The following EPB41 variants were observed in gnomAD, a reference collection of about 807,000 sequenced individuals.
EPB41 encodes the protein erythrocyte membrane protein band 4.1.
EPB41 carries 65 observed loss-of-function variants against 108.0 expected under a neutral mutation model. The observed-to-expected ratio is 0.60, with a 90% CI of 0.49 to 0.74. The LOEUF is 0.74. Among genes scored for constraint, EPB41 ranks in the 30% least tolerant of loss-of-function variants. EPB41 has a pLI of 0.00. For synonymous variants in EPB41, 336 were observed against 358.9 expected (o/e 0.94, Z 0.72); for missense variants, 875 against 1,037.0 (o/e 0.84, Z 2.15).
In EPB41 at chr1:28,915,055, A is replaced by ACGAGGAAAAAT. The variant is rs2307562; in HGVS notation, c.-8+289_-8+290insAGGAAAAATCG. 1.0e-3 allele frequency among the ~76,000 whole-genome samples: 156 copies of ACGAGGAAAAAT among 151,878 alleles called. 1 individual carries two copies. The highest frequency in any genetic ancestry group is 1.5e-3 in the Non-Finnish European group (102 of 67,890). ...AAGTTAGGCTTGAGATGTATTTTTG[A>ACGAGGAAAAAT]CGGTCCCCTCGGGTGCGTCAATCAC... is the stretch of plus-strand genomic sequence containing the variant. On this transcript the variant is annotated intron_variant, in intron 1 of 20. Coordinates refer to ENST00000343067, the MANE Select transcript of EPB41 (RefSeq NM_001376013.1).
intron 16 of EPB41, chr1:29,068,906 T>C: frequency 1.2e-6 from 1 of 824,542 alleles, no homozygotes; most frequent in Non-Finnish European, 1.6e-6. Flanking sequence ...TTGGCTATAC[T>C]AGTAAATTCA....
intron 1 of EPB41, among the ~76,000 whole-genome samples, chr1:28,896,679 C>A (rs750396024): frequency 6.6e-6 from 1 of 152,206 alleles, no homozygotes; most frequent in Admixed American, 6.5e-5. Context: ...AAGAGACAGG[C>A]TCAAGACAAT....
intron 3 of EPB41, 137 bp from the exon 4 acceptor site, chr1:28,997,078 G>A: frequency 1.4e-6 from 1 of 713,992 alleles, no homozygotes; most frequent in Non-Finnish European, 2.6e-6. Flanking sequence ...CTTGAGCCCA[G>A]GAGGTTGAGG....
At chr1:29,022,724 AAAAAAAG>A (rs1270252086) in intron 7 of EPB41, among the ~76,000 whole-genome samples, 1 of 151,972 alleles carries the variant, frequency 6.6e-6, no homozygotes, top group African/African-American at 2.4e-5. Context: ...TCCATCTCAA[AAAAAAAG>A]AAAAAAGAGT....
At chr1:28,940,442 G>T (rs1048930084) in intron 1 of EPB41, among the ~76,000 whole-genome samples, 1 of 151,796 alleles carries the variant, frequency 6.6e-6, no homozygotes, top group East Asian at 1.9e-4. Context: ...ACCTGAGGAC[G>T]GGAGTTTGAG....
At chr1:29,086,013 T>C (rs1325270880) in intron 16 of EPB41, among the ~76,000 whole-genome samples, 2 of 152,206 alleles carry the variant, frequency 1.3e-5, no homozygotes, top group Non-Finnish European at 2.9e-5. Context: ...TTTTTACTGT[T>C]TTTAAAAGGC....
At chr1:29,005,637 A>C (rs1227061881) in intron 4 of EPB41, among the ~76,000 whole-genome samples, 1 of 152,208 alleles carries the variant, frequency 6.6e-6, no homozygotes, top group Non-Finnish European at 1.5e-5. Flanking sequence ...CAATAGCAGT[A>C]AGATGGACAC....
chr1:28,929,345 C>G (rs2093613508), intron 1 of EPB41, among the ~76,000 whole-genome samples: 1 of 151,642 alleles, frequency 6.6e-6, no homozygotes, highest in African/African-American at 2.4e-5. Context: ...CCTGCCTCAG[C>G]CTCCCAAGTA....
At chr1:28,937,639 C>T (rs571852342) in intron 1 of EPB41, among the ~76,000 whole-genome samples, 5 of 152,304 alleles carry the variant, frequency 3.3e-5, no homozygotes, top group South Asian at 4.1e-4. Flanking sequence ...GTGATCTGCC[C>T]GCCTTGGCCT....
Position 29,018,439 on chromosome 1 carries a change from A to G in EPB41, c.1121A>G (p.Tyr374Cys). ...EEKVMELHKSYRSMTPAQADL... is the reference protein window; with the variant it reads ...EEKVMELHKSCRSMTPAQADL... ...AAGGTCATGGAACTGCATAAGTCAT[A>G]CAGGTGAATATGTCTCCAGGGTTTG... Residue 374 changes from tyrosine to cysteine, a missense_variant, in exon 7 of 21, where the codon TAC (tyrosine) becomes TGC (cysteine). Around this residue, in one of 3 missense-constraint regions of EPB41, gnomAD observed 519 missense variants for 627.3 expected, o/e 0.83. Transcript: ENST00000343067. The surrounding 1 kb of genome is among the most constrained non-coding windows in gnomAD (Gnocchi z 4.4). 1 of 1,613,892 alleles carries G rather than the reference A, an allele frequency of 6.2e-7. No individual in the cohort carries two copies. Among genetic ancestry groups the G allele is most frequent in the Non-Finnish European group, 8.5e-7 (1 of 1,179,924 alleles).
intron 16 of EPB41, among the ~76,000 whole-genome samples, chr1:29,084,478 A>T (rs1401854252): frequency 6.6e-6 from 1 of 152,252 alleles, no homozygotes; most frequent in Non-Finnish European, 1.5e-5. Flanking sequence ...AAACAATGGT[A>T]TAGCTTAACG....
At chr1:29,015,330 G>T (rs1010235473) in intron 5 of EPB41, among the ~76,000 whole-genome samples, 1 of 152,168 alleles carries the variant, frequency 6.6e-6, no homozygotes, top group African/African-American at 2.4e-5. Flanking sequence ...GGCCGAGGCG[G>T]GTGGATCGCC....
At chr1:29,028,769 T>A (rs544361924) in intron 7 of EPB41, among the ~76,000 whole-genome samples, 2 of 151,900 alleles carry the variant, frequency 1.3e-5, no homozygotes, top group South Asian at 4.1e-4. Context: ...TCAGCGGGAG[T>A]GGTGGCTCAC....
chr1:29,083,423 GC>G (rs1657552448), intron 16 of EPB41, among the ~76,000 whole-genome samples: 1 of 152,156 alleles, frequency 6.6e-6, no homozygotes, highest in African/African-American at 2.4e-5. Context: ...TTATTTACAA[GC>G]TTTTGGGGGT....
At chr1:29,084,473 A>G (rs1361751991) in intron 16 of EPB41, among the ~76,000 whole-genome samples, 2 of 152,226 alleles carry the variant, frequency 1.3e-5, no homozygotes, top group East Asian at 1.9e-4. Flanking sequence ...GTGGAAAACA[A>G]TGGTATAGCT....
intron 12 of EPB41, among the ~76,000 whole-genome samples, chr1:29,056,822 G>A (rs889291157): frequency 6.6e-6 from 1 of 151,960 alleles, no homozygotes; most frequent in African/African-American, 2.4e-5. Context: ...CACCGTACCC[G>A]GCTGGCCTCA....
chr1:28,926,471 A>G (rs2093452748), intron 1 of EPB41, among the ~76,000 whole-genome samples: 2 of 152,228 alleles, frequency 1.3e-5, no homozygotes, highest in Non-Finnish European at 2.9e-5. Flanking sequence ...TAGCAAGCGA[A>G]AATTCGCTTC....
rs75265872 is a variant in EPB41, at chr1:28,933,732, G to A, written c.-8+18964G>A. 2.0e-5 allele frequency among the ~76,000 whole-genome samples: 3 copies of A among 152,046 alleles called. No individual in the cohort carries two copies. The East Asian group carries it at 5.8e-4, about 29-fold the overall frequency. ...TCTGATTTTTTTCCACGATTAGATA[G>A]TAGATTTTTGGGAAGAATACAGAGG... On this transcript the variant is annotated intron_variant, in intron 1 of 20. Coordinates refer to ENST00000343067, the MANE Select transcript of EPB41 (RefSeq NM_001376013.1).
chr1:29,021,435 T>A (rs2096643376), intron 7 of EPB41, among the ~76,000 whole-genome samples: 1 of 152,184 alleles, frequency 6.6e-6, no homozygotes, highest in Non-Finnish European at 1.5e-5. Context: ...TTAATTTTAT[T>A]AAGTCTTGAA....
Sources: allele counts gnomAD v4.1 joint callset (sites outside exome capture counted in the v4.1 genomes callset), GRCh38; gene constraint gnomAD v4.1.1; regional missense constraint gnomAD v4.1.1; non-coding constraint Gnocchi (gnomAD v3.1); transcripts MANE v1.5; gene names NCBI Gene and HGNC (gene_info 2026-07-23, HGNC 2026-07-21).